Variants in PHLDB2 observed in about 807,000 individuals in gnomAD.
The protein encoded by PHLDB2 is pleckstrin homology like domain family B member 2.
Under a neutral mutation model 123.6 loss-of-function variants are expected in PHLDB2, and 71 were observed. The ratio of observed to expected loss-of-function variants is 0.57; its 90% CI spans 0.47 to 0.70. The LOEUF (loss-of-function observed/expected upper bound fraction) is 0.70, where lower values mean the gene tolerates loss of function less well. Ranked by LOEUF, PHLDB2 falls within the 30% of genes least tolerant of loss-of-function variation. The pLI is 0.00. For missense variants in PHLDB2, 1,446 were observed against 1,519.5 expected (o/e 0.95, Z 0.80); for synonymous variants, 547 against 541.6 (o/e 1.01, Z -0.14).
intron 2 of PHLDB2, among the ~76,000 whole-genome samples, chr3:111,886,820 A>G (rs1295771789): frequency 6.6e-6 from 1 of 152,208 alleles, no homozygotes; most frequent in Non-Finnish European, 1.5e-5. Context: ...CAGACTGTTC[A>G]TGGTCACAAA....
intron 13 of PHLDB2, among the ~76,000 whole-genome samples, chr3:111,964,306 A>C: frequency 6.7e-6 from 1 of 149,354 alleles, no homozygotes; most frequent in East Asian, 2.0e-4. Flanking sequence ...CACACACACA[A>C]AAGGTAACTA....
At chr3:111,958,846 C>A in intron 12 of PHLDB2, 1 of 415,610 alleles carries the variant, frequency 2.4e-6, no homozygotes, top group South Asian at 1.8e-5. Context: ...TGTTTCTTTG[C>A]TCCCCCTCAA....
At chr3:111,880,680 A>AT (rs59470691) in intron 1 of PHLDB2, among the ~76,000 whole-genome samples, 9 of 148,272 alleles carry the variant, frequency 6.1e-5, no homozygotes, top group South Asian at 2.1e-4. Context: ...CCTTTGTGGC[A>AT]TTTTTTTTTT....
intron 1 of PHLDB2, among the ~76,000 whole-genome samples, chr3:111,777,379 G>A (rs935625132): frequency 3.3e-5 from 5 of 151,794 alleles, no homozygotes; most frequent in Non-Finnish European, 5.9e-5. Context: ...TTTCTCATAA[G>A]ATAATCCAAA....
Position 111,920,292 on chromosome 3 carries a change from A to C in PHLDB2, c.1874A>C (p.Glu625Ala). ...GGTTTGTGTCCTTAGTTGGATATGG[A>C]ATGTGCTCTTTTGGATGGAGAACAG... ...MDESFRELDMECALLDGEQKS... is the reference protein window; with the variant it reads ...MDESFRELDMACALLDGEQKS... The change falls in exon 5 of 18, where the codon GAA (glutamate) becomes GCA (alanine). Residue 625 changes from glutamate to alanine, a missense_variant. Glu to Ala is a moderately radical substitution (Grantham distance 107). Around this residue, in one of 3 missense-constraint regions of PHLDB2, gnomAD observed 832 missense variants for 831.9 expected, o/e 1.00. Transcript: ENST00000431670. 1 of 1,613,668 alleles carries C rather than the reference A, an allele frequency of 6.2e-7. No individual in the cohort carries two copies. The highest frequency in any genetic ancestry group is 1.7e-5 in the Admixed American group (1 of 59,956).
At chr3:111,751,667 A>G (rs1427691231) in intron 1 of PHLDB2, among the ~76,000 whole-genome samples, 1 of 133,040 alleles carries the variant, frequency 7.5e-6, no homozygotes, top group Non-Finnish European at 1.6e-5. Context: ...AAAAATTTAA[A>G]TGCCAAGGAG....
At position 111,967,786 on chromosome 3, in the gene PHLDB2, G is replaced by A; in HGVS notation, c.3277G>A (p.Glu1093Lys). The A allele has an allele frequency of 6.2e-7, 1 of 1,611,954 alleles. No homozygotes were observed. Among genetic ancestry groups the A allele is most frequent in the Non-Finnish European group, 8.5e-7 (1 of 1,179,294 alleles). The change falls in exon 15 of 18, where the codon GAA becomes AAA. Residue 1093 changes from glutamate to lysine, a missense_variant. By Grantham distance (56) the Glu-to-Lys change is moderately conservative (BLOSUM62 1). This residue lies in a region of PHLDB2 where 594 missense variants were observed against 646.0 expected (regional missense o/e 0.92). Coordinates refer to ENST00000431670, the MANE Select transcript of PHLDB2 (RefSeq NM_001134438.2). ...EETSQRQKLI[E>K]KEVKIRERQR... ...AACTAGCCAGAGGCAGAAGTTAATAGAAAAGGAAGTAAAAATAAGGGAGAG... is the reference window on the plus strand; with the variant it reads ...AACTAGCCAGAGGCAGAAGTTAATAAAAAAGGAAGTAAAAATAAGGGAGAG...
In PHLDB2 at chr3:111,913,054, G is replaced by C. The variant is rs185040424; in HGVS notation, c.1336-265G>C. ...GCTTACTGAGTGCTGATGTGTGCTAGGGCCAGCCCTGTGATATACCAATAA... is the reference window on the plus strand; with the variant it reads ...GCTTACTGAGTGCTGATGTGTGCTACGGCCAGCCCTGTGATATACCAATAA... On this transcript the variant is annotated intron_variant, in intron 2 of 17. Transcript: ENST00000431670. 4.5e-3 allele frequency among the ~76,000 whole-genome samples: 691 copies of C among 152,332 alleles called. 9 individuals are homozygous for C. The highest frequency in any genetic ancestry group is 0.015 in the African/African-American group (626 of 41,568).
At position 111,976,000 on chromosome 3, in the gene PHLDB2, G is replaced by C. The variant is rs189190085; in HGVS notation, c.*1437G>C. On this transcript the variant is annotated 3_prime_UTR_variant, in exon 18 of 18. Transcript: ENST00000431670. Reference sequence around the variant, plus strand: ...CACAAGATTTTACTTGAACAGTGAAGGACAAAAATCATGATTGTGGAAGAT... The same window carrying C: ...CACAAGATTTTACTTGAACAGTGAACGACAAAAATCATGATTGTGGAAGAT... The C allele has an allele frequency of 6.5e-6, 1 of 152,722 alleles. No individual in the cohort carries two copies. The highest frequency in any genetic ancestry group is 1.9e-4 in the East Asian group (1 of 5,184). 9.5% of individuals were successfully genotyped at this position (152,722 alleles called of 1,614,324 possible). A position where few individuals can be genotyped will look rare whatever the true frequency, so the allele number is the denominator to read the frequency against.
intron 1 of PHLDB2, among the ~76,000 whole-genome samples, chr3:111,879,778 G>A (rs980690301): frequency 6.6e-6 from 1 of 152,186 alleles, no homozygotes; most frequent in African/African-American, 2.4e-5. Flanking sequence ...GAAGGCAAAA[G>A]CAGTCTCGAA....
At chr3:111,751,778 T>C (rs1317485190) in intron 1 of PHLDB2, among the ~76,000 whole-genome samples, 4 of 151,984 alleles carry the variant, frequency 2.6e-5, no homozygotes, top group African/African-American at 4.8e-5. Context: ...ACATGGTACA[T>C]GTATACATAT....
At chr3:111,777,034 G>C (rs1198350444) in intron 1 of PHLDB2, among the ~76,000 whole-genome samples, 1 of 140,786 alleles carries the variant, frequency 7.1e-6, no homozygotes, top group African/African-American at 3.0e-5. Flanking sequence ...AGAAAGCTGA[G>C]AGCCAGTTAC....
intron 6 of PHLDB2, among the ~76,000 whole-genome samples, chr3:111,934,505 G>A (rs945492831): frequency 6.6e-6 from 1 of 152,190 alleles, no homozygotes; most frequent in Non-Finnish European, 1.5e-5. Flanking sequence ...AAAAGAATAA[G>A]AAGAAAGTTA....
At chr3:111,922,174 A>T (rs1264987841) in intron 5 of PHLDB2, among the ~76,000 whole-genome samples, 2 of 152,244 alleles carry the variant, frequency 1.3e-5, no homozygotes, top group Non-Finnish European at 2.9e-5. Flanking sequence ...GGAATTAGGT[A>T]TCATGTTCCC....
At chr3:111,861,238 A>T (rs1037420881) in intron 1 of PHLDB2, among the ~76,000 whole-genome samples, 5 of 152,242 alleles carry the variant, frequency 3.3e-5, no homozygotes, top group Admixed American at 6.5e-5. Context: ...TGTTTGAATA[A>T]AGAGCGAAGG....
intron 1 of PHLDB2, among the ~76,000 whole-genome samples, chr3:111,835,694 G>T (rs2063363734): frequency 6.6e-6 from 1 of 152,176 alleles, no homozygotes; most frequent in African/African-American, 2.4e-5. Context: ...AAAAGGATAG[G>T]ACTAGGAATC....
At chr3:111,898,188 G>GTGTGTGTGTA (rs1429195957) in intron 2 of PHLDB2, among the ~76,000 whole-genome samples, 1 of 146,310 alleles carries the variant, frequency 6.8e-6, no homozygotes, top group African/African-American at 2.7e-5. Context: ...GTGTTTGTGT[G>GTGTGTGTGTA]TGTGTGTGTG....
At chr3:111,917,379 G>C (rs1027519203) in intron 3 of PHLDB2, 1 of 152,076 alleles carries the variant, frequency 6.6e-6, no homozygotes, top group Non-Finnish European at 1.5e-5. Context: ...TTAATGCCTT[G>C]CTTCCACCTG....
At chr3:111,905,600 ACC>A (rs2067467508) in intron 2 of PHLDB2, among the ~76,000 whole-genome samples, 1 of 151,966 alleles carries the variant, frequency 6.6e-6, no homozygotes, top group African/African-American at 2.4e-5. Flanking sequence ...CAAGTGATCC[ACC>A]GCCTTGGTCT....
Sources: gnomAD v4.1 joint callset for allele counts (sites outside exome capture counted in the v4.1 genomes callset) on GRCh38, gnomAD v4.1.1 for gene constraint, gnomAD v4.1.1 regional missense constraint, MANE v1.5 for transcripts, NCBI Gene and HGNC (gene_info 2026-07-23, HGNC 2026-07-21) for gene names.